The following ADAM9 variants were observed in gnomAD, a reference collection of about 807,000 sequenced individuals.
ADAM9 encodes the protein ADAM metallopeptidase domain 9, also known as disintegrin and metalloproteinase domain-containing protein 9.
In ADAM9, 54 loss-of-function variants were observed where a neutral mutation model predicts 108.1. That is an observed-to-expected ratio of 0.50 (90% CI 0.40 to 0.63). ADAM9 has a LOEUF of 0.63. ADAM9 is among the 20% of genes least tolerant of loss of function. ADAM9 has a pLI of 0.00. For synonymous variants in ADAM9, 316 were observed against 336.0 expected (o/e 0.94, Z 0.65); for missense variants, 830 against 997.7 (o/e 0.83, Z 2.26).
At chr8:39,092,829 G>A (rs1013205118) in intron 20 of ADAM9, among the ~76,000 whole-genome samples, 2 of 152,064 alleles carry the variant, frequency 1.3e-5, no homozygotes, top group African/African-American at 4.8e-5. Context: ...TCTTCATGTG[G>A]ATATGAAGTT....
intron 11 of ADAM9, among the ~76,000 whole-genome samples, chr8:39,035,763 G>A (rs1160324410): frequency 2.6e-5 from 4 of 152,186 alleles, no homozygotes; most frequent in Non-Finnish European, 4.4e-5. Flanking sequence ...CTTGCAGTGA[G>A]CTGAGATCGT....
At chr8:39,048,942 C>A (rs868490649) in intron 12 of ADAM9, among the ~76,000 whole-genome samples, 1 of 149,008 alleles carries the variant, frequency 6.7e-6, no homozygotes, top group Admixed American at 6.7e-5. Context: ...CCATTCTTCA[C>A]TTTCAGCCTA....
In ADAM9 at chr8:39,055,503, C is replaced by T. The variant is rs568665158; in HGVS notation, c.1396-74C>T. On this transcript the variant is annotated intron_variant, in intron 13 of 21. Transcript: ENST00000487273. ...TTAGAATGCTTTATAGATGTAAATG[C>T]TGTGGTTTCACATTTGATTAATTTG... 64 of 1,445,532 alleles carry T rather than the reference C, an allele frequency of 4.4e-5. No homozygotes were observed. In the South Asian group the frequency reaches 7.3e-4, roughly 17 times the overall value. The allele number at this position is 1,445,532 out of a possible 1,614,324, so 89.5% of individuals were successfully genotyped here.
At chr8:39,055,429 G>C in intron 13 of ADAM9, 148 bp from the exon 14 acceptor site, 2 of 766,340 alleles carry the variant, frequency 2.6e-6, no homozygotes, top group Non-Finnish European at 4.3e-6. Context: ...ATTACCTGTT[G>C]TTAGCCATTG....
At chr8:39,079,671 G>A (rs182538863) in intron 16 of ADAM9, among the ~76,000 whole-genome samples, 2 of 145,600 alleles carry the variant, frequency 1.4e-5, no homozygotes, top group African/African-American at 2.6e-5. Context: ...TGCAACCTCC[G>A]CCTCCCAGGC....
At chr8:38,999,542 G>C (rs1835933093) in intron 1 of ADAM9, among the ~76,000 whole-genome samples, 1 of 151,948 alleles carries the variant, frequency 6.6e-6, no homozygotes, top group Non-Finnish European at 1.5e-5. Flanking sequence ...TAAGAACTTA[G>C]GTCCATACTA....
At chr8:39,043,504 A>C (rs1174390165) in intron 12 of ADAM9, among the ~76,000 whole-genome samples, 1 of 152,004 alleles carries the variant, frequency 6.6e-6, no homozygotes, top group Non-Finnish European at 1.5e-5. Flanking sequence ...TGTGATTTTG[A>C]TTTGCATTTC....
chr8:39,070,713 G>T (rs189992118), intron 14 of ADAM9, among the ~76,000 whole-genome samples: 6 of 150,366 alleles, frequency 4.0e-5, no homozygotes, highest in African/African-American at 1.2e-4. Context: ...AGCTATGAAC[G>T]TGCCACTGCA....
At chr8:39,014,520 A>C in intron 4 of ADAM9, 1 of 701,726 alleles carries the variant, frequency 1.4e-6, no homozygotes. Context: ...ATCAGAGAAC[A>C]GAGTACTCCT....
chr8:39,058,057 A>G (rs1242948587), intron 14 of ADAM9, among the ~76,000 whole-genome samples: 1 of 151,858 alleles, frequency 6.6e-6, no homozygotes, highest in East Asian at 1.9e-4. Flanking sequence ...AACCTCACTA[A>G]CCTCTTTTCC....
At chr8:39,082,412 T>A (rs1839052749) in intron 16 of ADAM9, among the ~76,000 whole-genome samples, 2 of 152,256 alleles carry the variant, frequency 1.3e-5, no homozygotes, top group South Asian at 4.2e-4. Flanking sequence ...TTTATCTTTG[T>A]TTTTGGTCTT....
At chr8:39,049,724 C>T (rs969894828) in intron 12 of ADAM9, among the ~76,000 whole-genome samples, 1 of 152,166 alleles carries the variant, frequency 6.6e-6, no homozygotes, top group Non-Finnish European at 1.5e-5. Flanking sequence ...CAGGCGTGAG[C>T]CACTGCGCCC....
chr8:39,090,588 A>G (rs959243098), intron 19 of ADAM9, among the ~76,000 whole-genome samples: 4 of 152,256 alleles, frequency 2.6e-5, no homozygotes, highest in Admixed American at 2.6e-4. Context: ...ATGGGTTGAA[A>G]GGTGGTGGTG....
rs1172505858 is a variant in ADAM9, at chr8:39,045,044, ATG to A, written c.1302+2931_1302+2932del. On this transcript the variant is annotated intron_variant, in intron 12 of 21. Transcript: ENST00000487273. The stretch of plus-strand genomic sequence containing the variant: ...TGTGTGTGTGCATACATACATATGT[ATG>A]TGTATGTGTGTGTGCATACATACAT... 6.5e-4 allele frequency among the ~76,000 whole-genome samples: 36 copies of A among 55,420 alleles called. 5 individuals are homozygous for A. Among genetic ancestry groups the A allele is most frequent in the Non-Finnish European group, 1.1e-3 (31 of 28,192 alleles). The allele number at this position is 55,420 out of a possible 152,430, so 36.4% of individuals were successfully genotyped here.
At chr8:39,061,727 G>A (rs1838305083) in intron 14 of ADAM9, among the ~76,000 whole-genome samples, 1 of 152,142 alleles carries the variant, frequency 6.6e-6, no homozygotes, top group African/African-American at 2.4e-5. Context: ...AAGAGACGAA[G>A]TGGGGCCAAA....
intron 15 of ADAM9, chr8:39,075,836 A>G (rs1032738173): frequency 2.0e-5 from 3 of 152,198 alleles, no homozygotes; most frequent in Non-Finnish European, 2.9e-5. Context: ...TGAGATAGGC[A>G]TCATTTATCT....
chr8:39,069,887 G>A (rs1030142463), intron 14 of ADAM9, among the ~76,000 whole-genome samples: 1 of 150,482 alleles, frequency 6.6e-6, no homozygotes. Flanking sequence ...GTGCATATGA[G>A]TGTATAATAT....
chr8:39,080,940 C>T (rs1009963945), intron 16 of ADAM9, among the ~76,000 whole-genome samples: 1 of 141,188 alleles, frequency 7.1e-6, no homozygotes, highest in African/African-American at 2.7e-5. Context: ...TACCTTCCCA[C>T]TGTGAGAGTT....
chr8:39,060,885 G>A (rs1186838631), intron 14 of ADAM9, among the ~76,000 whole-genome samples: 1 of 152,264 alleles, frequency 6.6e-6, no homozygotes, highest in Non-Finnish European at 1.5e-5. Context: ...CTGGTAGGCT[G>A]TGTGGATGGG....
Sources: allele counts gnomAD v4.1 joint callset (sites outside exome capture counted in the v4.1 genomes callset), GRCh38; gene constraint gnomAD v4.1.1; transcripts MANE v1.5; gene names NCBI Gene and HGNC (gene_info 2026-07-23, HGNC 2026-07-21).